GNG4: variants seen among roughly 807,000 people sequenced by gnomAD.
GNG4 encodes the protein guanine nucleotide-binding protein G(I)/G(S)/G(O) subunit gamma-4.
In GNG4, 4 loss-of-function variants were observed where a neutral mutation model predicts 5.8. That is an observed-to-expected ratio of 0.69 (90% confidence interval 0.34 to 1.57). The LOEUF is 1.57. Ranked by LOEUF, GNG4 falls within the 40% of genes most tolerant of loss-of-function variation. The pLI, the probability that GNG4 is intolerant of heterozygous loss-of-function variation, is 0.06. For synonymous variants in GNG4, 29 were observed against 32.9 expected (o/e 0.88, Z 0.41); for missense variants, 96 against 95.1 (o/e 1.01, Z -0.04).
intron 1 of GNG4, among the ~76,000 whole-genome samples, chr1:235,598,883 G>T (rs1037005915): frequency 5.3e-5 from 8 of 151,978 alleles, no homozygotes; most frequent in African/African-American, 1.9e-4. Context: ...ATGCCACCAT[G>T]CCTAGCTTAA....
At chr1:235,619,584 G>C (rs1688666883) in intron 1 of GNG4, among the ~76,000 whole-genome samples, 1 of 152,200 alleles carries the variant, frequency 6.6e-6, no homozygotes. Context: ...TTCAGTGATT[G>C]AGATTCTAGA....
intron 1 of GNG4, among the ~76,000 whole-genome samples, chr1:235,605,807 G>A (rs1688344773): frequency 6.6e-6 from 1 of 152,096 alleles, no homozygotes; most frequent in Admixed American, 6.5e-5. Flanking sequence ...TGAAGCCCAG[G>A]AGGTCAGGGA....
rs1277581785 is a variant in GNG4 at position 235,642,279 on chromosome 1, C to G, written c.-123+7383G>C. Among the ~76,000 whole-genome samples the G allele has an allele frequency of 6.6e-6, 1 of 152,164 alleles. No individual in the cohort carries two copies. Among genetic ancestry groups the G allele is most frequent in the Non-Finnish European group, 1.5e-5 (1 of 68,026 alleles). On this transcript the variant is annotated intron_variant, in intron 1 of 3. Coordinates refer to ENST00000391854, the MANE Select transcript of GNG4 (RefSeq NM_001098722.2). This position sits in a 1 kb window ranked among gnomAD's most constrained non-coding sequence, Gnocchi z 4.3. Reference sequence around the variant, plus strand: ...CTGCCGCGGTTACTGTGAAGCAGGGCCAAGGCCAGCCCTCCGCCTCGAGGC... The same window carrying G: ...CTGCCGCGGTTACTGTGAAGCAGGGGCAAGGCCAGCCCTCCGCCTCGAGGC...
chr1:235,632,695 G>A (rs917106111), intron 1 of GNG4, among the ~76,000 whole-genome samples: 5 of 152,102 alleles, frequency 3.3e-5, no homozygotes, highest in Non-Finnish European at 7.4e-5. Context: ...TTAGAATTAA[G>A]TAAAATGCCT....
intron 2 of GNG4, among the ~76,000 whole-genome samples, chr1:235,587,161 G>A (rs1426765758): frequency 6.7e-6 from 1 of 149,782 alleles, no homozygotes; most frequent in East Asian, 2.0e-4. Flanking sequence ...GGGTGGGGGT[G>A]AGCGTGTGAG....
chr1:235,585,140 C>A (rs1479059260), intron 2 of GNG4, among the ~76,000 whole-genome samples: 2 of 151,944 alleles, frequency 1.3e-5, no homozygotes, highest in Non-Finnish European at 2.9e-5. Context: ...CTTCCTCCCT[C>A]CCTCTGGTCT....
intron 2 of GNG4, among the ~76,000 whole-genome samples, chr1:235,593,049 A>G (rs369430396): frequency 6.6e-6 from 1 of 151,764 alleles, no homozygotes; most frequent in African/African-American, 2.4e-5. Flanking sequence ...CCCAGGTTCA[A>G]GCAATTCTTC....
chr1:235,575,946 G>A (rs2102933875), intron 3 of GNG4, among the ~76,000 whole-genome samples: 1 of 152,308 alleles, frequency 6.6e-6, no homozygotes, highest in Non-Finnish European at 1.5e-5. Flanking sequence ...TGGCTGTGCA[G>A]GCTGGCTTCA....
intron 1 of GNG4, among the ~76,000 whole-genome samples, chr1:235,598,031 C>T (rs1336469799): frequency 2.0e-5 from 3 of 152,168 alleles, no homozygotes; most frequent in Non-Finnish European, 4.4e-5. Context: ...ACCCAAGACC[C>T]CACCCAGAGG....
intron 3 of GNG4, among the ~76,000 whole-genome samples, chr1:235,562,002 G>A (rs1373930085): frequency 6.6e-6 from 1 of 152,164 alleles, no homozygotes; most frequent in Non-Finnish European, 1.5e-5. Context: ...AAAGGTCTGT[G>A]TCTAGATTCA....
rs570468776 is a variant in GNG4, at chr1:235,635,021, T to C, written c.-123+14641A>G. 1.1e-4 allele frequency among the ~76,000 whole-genome samples: 16 copies of C among 152,272 alleles called. No individual in the cohort carries two copies. The East Asian group carries it at 2.3e-3, about 22-fold the overall frequency. Reference sequence around the variant, plus strand: ...GAGGAAGGCAATACAAAGCCGGGTATAGACAGTGAATAAATTTAGAAAATG... The same window carrying C: ...GAGGAAGGCAATACAAAGCCGGGTACAGACAGTGAATAAATTTAGAAAATG... On this transcript the variant is annotated intron_variant, in intron 1 of 3. Coordinates refer to ENST00000391854, the MANE Select transcript of GNG4 (RefSeq NM_001098722.2).
chr1:235,632,908 T>C (rs1688963640), intron 1 of GNG4, among the ~76,000 whole-genome samples: 1 of 151,954 alleles, frequency 6.6e-6, no homozygotes. Flanking sequence ...TCAAAGAAAA[T>C]TGCTTTTAAA....
chr1:235,568,631 T>G (rs1371287213), intron 3 of GNG4, among the ~76,000 whole-genome samples: 1 of 152,176 alleles, frequency 6.6e-6, no homozygotes, highest in Non-Finnish European at 1.5e-5. Context: ...ATGCTGTTTC[T>G]CCTTGGGCTG....
At chr1:235,650,192 C>T (rs1249058248), upstream of GNG4, among the ~76,000 whole-genome samples, 129 of 131,034 alleles carry the variant, frequency 9.8e-4, 1 homozygote, top group East Asian at 0.025. Context: ...CCGCCCCGCC[C>T]CCCCGGAGCC....
At chr1:235,557,931 T>A (rs1024354955) in intron 3 of GNG4, among the ~76,000 whole-genome samples, 1 of 152,208 alleles carries the variant, frequency 6.6e-6, no homozygotes, top group East Asian at 1.9e-4. Flanking sequence ...TAAGCAGGTC[T>A]CACCTAGGAA....
intron 1 of GNG4, among the ~76,000 whole-genome samples, chr1:235,606,854 G>C (rs370187764): frequency 8.4e-4 from 128 of 152,138 alleles, no homozygotes; most frequent in African/African-American, 2.4e-3. Flanking sequence ...AGCAGCATGG[G>C]GGGGCGAGCA....
chr1:235,616,928 A>ATTTTTTTTG (rs1688604123), intron 1 of GNG4, among the ~76,000 whole-genome samples: 1 of 36,086 alleles, frequency 2.8e-5, no homozygotes, highest in African/African-American at 2.3e-4. Flanking sequence ...TTTTTTTTTC[A>ATTTTTTTTG]GTAGAGATGG....
At chr1:235,565,943 C>T (rs1228061674) in intron 3 of GNG4, 1 of 152,302 alleles carries the variant, frequency 6.6e-6, no homozygotes, top group East Asian at 1.9e-4. Context: ...TTGGTATCTT[C>T]AGTCAATGGA....
At position 235,583,814 on chromosome 1, in the gene GNG4, T is replaced by C; in HGVS notation, c.25A>G (p.Ser9Gly). The C allele has an allele frequency of 6.2e-7, 1 of 1,613,544 alleles. No individual in the cohort carries two copies. The highest frequency in any genetic ancestry group is 1.1e-5 in the South Asian group (1 of 91,044). Residue 9 changes from serine to glycine, a missense_variant, in exon 3 of 4, where the codon AGC becomes GGC. Transcript: ENST00000391854. MKEGMSNN[S>G]TTSISQARKA... ...CTGGCTTGGGAGATGCTAGTGGTGC[T>C]GTTATTAGACATGCCCTCTTTCATT... is the stretch of plus-strand genomic sequence containing the variant.
Sources: allele counts gnomAD v4.1 joint callset (sites outside exome capture counted in the v4.1 genomes callset), GRCh38; gene constraint gnomAD v4.1.1; non-coding constraint Gnocchi (gnomAD v3.1); transcripts MANE v1.5; gene names NCBI Gene and HGNC (gene_info 2026-07-23, HGNC 2026-07-21).